The following RALGPS1 variants were observed in gnomAD, a reference collection of about 807,000 sequenced individuals.
RALGPS1 encodes the protein ras-specific guanine nucleotide-releasing factor RalGPS1.
In RALGPS1, 19 loss-of-function variants were observed where a neutral mutation model predicts 78.8. The ratio of observed to expected loss-of-function variants is 0.24; its 90% CI spans 0.17 to 0.35. The LOEUF is 0.35. Ranked by LOEUF, RALGPS1 falls within the 10% of genes least tolerant of loss-of-function variation. The probability of loss-of-function intolerance (pLI) is 1.00; values close to 1 mark genes in which losing one functional copy is unlikely to be tolerated. For synonymous variants in RALGPS1, 228 were observed against 256.3 expected (o/e 0.89, Z 1.06); for missense variants, 454 against 688.3 (o/e 0.66, Z 3.81).
At chr9:126,972,879 T>G (rs1330544834) in intron 3 of RALGPS1, among the ~76,000 whole-genome samples, 1 of 152,020 alleles carries the variant, frequency 6.6e-6, no homozygotes, top group African/African-American at 2.4e-5. Context: ...CTGGCCAATA[T>G]GGTGAAACCC....
intron 4 of RALGPS1, among the ~76,000 whole-genome samples, chr9:126,998,234 A>G (rs1316866977): frequency 6.6e-6 from 1 of 152,214 alleles, no homozygotes; most frequent in East Asian, 1.9e-4. Flanking sequence ...TGAACAGGCA[A>G]CCTACAGAAT....
intron 11 of RALGPS1, chr9:127,184,167 G>C: frequency 1.0e-6 from 1 of 961,910 alleles, no homozygotes; most frequent in Non-Finnish European, 1.6e-6. Flanking sequence ...CTCTACAAAA[G>C]TATATAAATG....
At chr9:127,107,850 C>T (rs946602526) in intron 8 of RALGPS1, 75 of 1,466,764 alleles carry the variant, frequency 5.1e-5, no homozygotes, top group Non-Finnish European at 6.5e-5. Flanking sequence ...TTTGTGGACA[C>T]AGCCAAGGGA....
intron 2 of RALGPS1, 35 bp downstream of exon 2, chr9:126,962,381 A>C: frequency 6.2e-7 from 1 of 1,610,594 alleles, no homozygotes; most frequent in Non-Finnish European, 8.5e-7. Flanking sequence ...CAGTGGGTAG[A>C]GGGGTCTCCT....
intron 5 of RALGPS1, among the ~76,000 whole-genome samples, chr9:127,048,774 T>A (rs1057169045): frequency 2.0e-5 from 3 of 152,200 alleles, no homozygotes; most frequent in African/African-American, 7.2e-5. Context: ...TTAGAAAAAC[T>A]TTTTTCTGTA....
chr9:126,997,754 A>G (rs1220152506), intron 4 of RALGPS1, among the ~76,000 whole-genome samples: 1 of 152,208 alleles, frequency 6.6e-6, no homozygotes, highest in African/African-American at 2.4e-5. Context: ...GCATCATGCT[A>G]CCTGACTTCA....
At chr9:126,932,701 A>G (rs1000190502) in intron 1 of RALGPS1, among the ~76,000 whole-genome samples, 4 of 152,230 alleles carry the variant, frequency 2.6e-5, no homozygotes, top group African/African-American at 9.7e-5. Context: ...TTATAAAACA[A>G]AATGTTATAA....
At chr9:127,215,221 GC>G (rs2062507946) in intron 18 of RALGPS1, among the ~76,000 whole-genome samples, 1 of 152,182 alleles carries the variant, frequency 6.6e-6, no homozygotes, top group South Asian at 2.1e-4. Flanking sequence ...GGGCCTCCCT[GC>G]CCCACAACCC....
intron 8 of RALGPS1, among the ~76,000 whole-genome samples, chr9:127,141,785 A>AT (rs1252396466): frequency 2.6e-5 from 4 of 152,226 alleles, no homozygotes; most frequent in African/African-American, 9.6e-5. Flanking sequence ...TTTTGAAAGT[A>AT]TTTTTTTAAG....
chr9:127,180,751 T>C (rs1173896891), intron 11 of RALGPS1, among the ~76,000 whole-genome samples: 1 of 152,202 alleles, frequency 6.6e-6, no homozygotes, highest in Non-Finnish European at 1.5e-5. Context: ...CCCCAGAACC[T>C]AAGGGCATGA....
At chr9:127,047,747 GT>G (rs534204513) in intron 5 of RALGPS1, among the ~76,000 whole-genome samples, 219 of 151,240 alleles carry the variant, frequency 1.4e-3, no homozygotes, top group Admixed American at 3.0e-3. Flanking sequence ...ATACCACAGT[GT>G]TTATGATGTT....
intron 11 of RALGPS1, among the ~76,000 whole-genome samples, chr9:127,177,581 C>CAGCCCT (rs2140002537): frequency 6.6e-6 from 1 of 152,334 alleles, no homozygotes; most frequent in East Asian, 1.9e-4. Flanking sequence ...GCCTCAGCCT[C>CAGCCCT]AGCCCTAGCC....
At chr9:127,016,295 G>A (rs1041142009) in intron 4 of RALGPS1, among the ~76,000 whole-genome samples, 1 of 152,172 alleles carries the variant, frequency 6.6e-6, no homozygotes, top group Non-Finnish European at 1.5e-5. Flanking sequence ...CCAGGGGCAG[G>A]TCTTACTTAA....
chr9:127,007,645 C>T (rs1178158281), intron 4 of RALGPS1, among the ~76,000 whole-genome samples: 5 of 152,076 alleles, frequency 3.3e-5, no homozygotes, highest in African/African-American at 4.8e-5. Context: ...GCAGCATGTA[C>T]CAAGGCCTGA....
chr9:127,216,313 A>G (rs560417408), intron 18 of RALGPS1: 1 of 152,382 alleles, frequency 6.6e-6, no homozygotes, highest in Admixed American at 6.5e-5. Context: ...AAGAATAAAC[A>G]TGAGGTGCCA....
intron 8 of RALGPS1, among the ~76,000 whole-genome samples, chr9:127,090,987 T>C (rs2052399437): frequency 6.6e-6 from 1 of 152,240 alleles, no homozygotes; most frequent in African/African-American, 2.4e-5. Flanking sequence ...ATTTGAAGCA[T>C]GTGATCTTAG....
rs755123411 is a variant in RALGPS1 at position 127,223,162 on chromosome 9, A to G, written c.*4393A>G. On this transcript the variant is annotated 3_prime_UTR_variant, in exon 19 of 19. Coordinates refer to ENST00000259351, the MANE Select transcript of RALGPS1 (RefSeq NM_014636.3). Reference sequence around the variant, plus strand: ...ACTTTGAAATTAAATGTGTTTTCCAATGAATGTTGCTCAGTTTATTAAAGT... The same window carrying G: ...ACTTTGAAATTAAATGTGTTTTCCAGTGAATGTTGCTCAGTTTATTAAAGT... 6.6e-5 allele frequency: 10 copies of G among 152,648 alleles called. No homozygotes were observed. The highest frequency in any genetic ancestry group is 4.1e-4 in the South Asian group (2 of 4,830). The allele number at this position is 152,648 out of a possible 1,614,324, so 9.5% of individuals were successfully genotyped here.
At chr9:127,164,172 A>G (rs947895060) in intron 8 of RALGPS1, among the ~76,000 whole-genome samples, 1 of 152,160 alleles carries the variant, frequency 6.6e-6, no homozygotes, top group Non-Finnish European at 1.5e-5. Flanking sequence ...TTTATATACA[A>G]TCAATTTTTG....
intron 8 of RALGPS1, among the ~76,000 whole-genome samples, chr9:127,160,952 T>G (rs1415321126): frequency 6.6e-6 from 1 of 152,246 alleles, no homozygotes; most frequent in Non-Finnish European, 1.5e-5. Flanking sequence ...TGGCTGTTAC[T>G]GTCAGGGTTG....
Sources: gnomAD v4.1 joint callset for allele counts (sites outside exome capture counted in the v4.1 genomes callset) on GRCh38, gnomAD v4.1.1 for gene constraint, MANE v1.5 for transcripts, NCBI Gene and HGNC (gene_info 2026-07-23, HGNC 2026-07-21) for gene names.